GLIS1: variants seen among roughly 807,000 people sequenced by gnomAD.
GLIS1 encodes zinc finger protein GLIS1.
GLIS1 carries 24 observed loss-of-function variants against 63.8 expected under a neutral mutation model. That is an observed-to-expected ratio of 0.38 (90% CI 0.27 to 0.53). The LOEUF (loss-of-function observed/expected upper bound fraction) is 0.53, where lower values mean the gene tolerates loss of function less well. Among genes scored for constraint, GLIS1 ranks in the 20% least tolerant of loss-of-function variants. The pLI, the probability that GLIS1 is intolerant of heterozygous loss-of-function variation, is 0.85. For synonymous variants in GLIS1, 450 were observed against 482.5 expected, an observed-to-expected ratio of 0.93 and a Z score of 0.88; for missense variants, 1,036 against 1,074.1, an observed-to-expected ratio of 0.96 and a Z score of 0.50.
intron 2 of GLIS1, among the ~76,000 whole-genome samples, chr1:53,686,579 G>C (rs1401383504): frequency 6.6e-6 from 1 of 152,184 alleles, no homozygotes; most frequent in African/African-American, 2.4e-5. Context: ...CAGACTGTGG[G>C]GGGAGGCAGC....
chr1:53,708,583 G>A (rs768191144), intron 2 of GLIS1, among the ~76,000 whole-genome samples: 13 of 151,978 alleles, frequency 8.6e-5, no homozygotes, highest in South Asian at 2.1e-4. Flanking sequence ...GACTGGTGTC[G>A]CCTAGCAAGT....
chr1:53,522,248 A>C (rs953568946), intron 6 of GLIS1, among the ~76,000 whole-genome samples: 1 of 152,272 alleles, frequency 6.6e-6, no homozygotes, highest in African/African-American at 2.4e-5. Flanking sequence ...ACTTGTCATA[A>C]TACAAGGGTC....
At chr1:53,649,294 A>G (rs972152594) in intron 2 of GLIS1, among the ~76,000 whole-genome samples, 27 of 152,236 alleles carry the variant, frequency 1.8e-4, no homozygotes, top group Non-Finnish European at 1.0e-4. Flanking sequence ...TGAAAGATGC[A>G]GTATTAAATC....
At chr1:53,643,667 C>A (rs115953601) in intron 2 of GLIS1, among the ~76,000 whole-genome samples, 2,669 of 152,288 alleles carry the variant, frequency 0.018, 66 homozygotes, top group African/African-American at 0.06. Context: ...CTCTGCCTCA[C>A]TTTCCACACC....
chr1:53,738,776 G>A (rs1020698266), intron 1 of GLIS1, among the ~76,000 whole-genome samples: 2 of 152,210 alleles, frequency 1.3e-5, no homozygotes, highest in Non-Finnish European at 2.9e-5. Flanking sequence ...AACCGGCACA[G>A]TGGGCAATGC....
intron 4 of GLIS1, among the ~76,000 whole-genome samples, chr1:53,553,121 G>A (rs189170050): frequency 2.9e-4 from 44 of 152,278 alleles, no homozygotes; most frequent in African/African-American, 1.0e-3. Context: ...TGGCTCGTCC[G>A]GAAGATGTAG....
intron 2 of GLIS1, among the ~76,000 whole-genome samples, chr1:53,711,978 G>C (rs944901850): frequency 1.3e-5 from 2 of 152,188 alleles, no homozygotes; most frequent in African/African-American, 4.8e-5. Context: ...TTCTGAGAAG[G>C]AGCAGGCAAT....
intron 5 of GLIS1, among the ~76,000 whole-genome samples, chr1:53,527,255 G>C (rs1438251253): frequency 6.6e-6 from 1 of 152,244 alleles, no homozygotes; most frequent in East Asian, 1.9e-4. Flanking sequence ...AATCATCCCA[G>C]TGGGGAAGCT....
chr1:53,533,422 G>T (rs1220048998), intron 4 of GLIS1, among the ~76,000 whole-genome samples: 2 of 152,206 alleles, frequency 1.3e-5, no homozygotes, highest in Admixed American at 6.5e-5. Flanking sequence ...GTGCAGAAAG[G>T]TACCCCGATA....
At chr1:53,726,238 G>T (rs1024642935) in intron 2 of GLIS1, among the ~76,000 whole-genome samples, 1 of 152,170 alleles carries the variant, frequency 6.6e-6, no homozygotes, top group South Asian at 2.1e-4. Context: ...TGTAGAAGGG[G>T]CGGGTAGGTC....
intron 4 of GLIS1, among the ~76,000 whole-genome samples, chr1:53,564,582 C>T (rs1274039520): frequency 2.0e-5 from 3 of 152,000 alleles, no homozygotes; most frequent in Non-Finnish European, 4.4e-5. Context: ...CTCCCTTTTG[C>T]TAATTACAAT....
Position 53,725,002 on chromosome 1 carries a change from A to AC in GLIS1, c.259+12803dup, listed in dbSNP as rs1646791712. Reference sequence around the variant, plus strand: ...ATGGGAATTTAGTTTTCTCTACCCCACCCCAGCAAATAGCTCTTCCGTATT... The same window carrying AC: ...ATGGGAATTTAGTTTTCTCTACCCCACCCCCAGCAAATAGCTCTTCCGTATT... On this transcript the variant is annotated intron_variant, in intron 2 of 10. Coordinates refer to ENST00000628545, the MANE Select transcript of GLIS1 (RefSeq NM_001367484.1). 2.0e-5 allele frequency among the ~76,000 whole-genome samples: 3 copies of AC among 152,176 alleles called. No individual in the cohort carries two copies. The South Asian group carries it at 6.2e-4, about 32-fold the overall frequency.
At chr1:53,655,354 G>T (rs569999533) in intron 2 of GLIS1, among the ~76,000 whole-genome samples, 4 of 152,260 alleles carry the variant, frequency 2.6e-5, no homozygotes, top group Non-Finnish European at 5.9e-5. Context: ...ATCCCAATCT[G>T]GAGAAAATGT....
At position 53,520,627 on chromosome 1, in the gene GLIS1, C is replaced by T. The variant is rs1238318232; in HGVS notation, c.1726+7G>A. 2 of 1,603,952 alleles carry T rather than the reference C, an allele frequency of 1.2e-6. No individual in the cohort carries two copies. Among genetic ancestry groups the T allele is most frequent in the Non-Finnish European group, 1.7e-6 (2 of 1,175,644 alleles). On this transcript the variant is annotated splice_region_variant and intron_variant, in intron 7 of 10. Transcript: ENST00000628545. ...ACGCCCCTGGCCCTGCCTCCCCGCA[C>T]ACGTACCTGGGAGCAGCTCCTGGCC...
chr1:53,708,443 T>C (rs1557533615), intron 2 of GLIS1, among the ~76,000 whole-genome samples: 3 of 152,150 alleles, frequency 2.0e-5, no homozygotes, highest in Non-Finnish European at 4.4e-5. Context: ...CACCATGAAA[T>C]ATAATATTAT....
chr1:53,523,465 C>T (rs1034515930), intron 6 of GLIS1, among the ~76,000 whole-genome samples: 1 of 152,208 alleles, frequency 6.6e-6, no homozygotes, highest in Non-Finnish European at 1.5e-5. Flanking sequence ...GCAGTGTCCA[C>T]AGTTCACAGA....
At chr1:53,664,634 A>G (rs1646068035) in intron 2 of GLIS1, among the ~76,000 whole-genome samples, 1 of 152,198 alleles carries the variant, frequency 6.6e-6, no homozygotes, top group Non-Finnish European at 1.5e-5. Flanking sequence ...CCCTGCCCTC[A>G]CAGAGCTGAC....
At chr1:53,734,848 A>G (rs966061124) in intron 2 of GLIS1, among the ~76,000 whole-genome samples, 3 of 152,238 alleles carry the variant, frequency 2.0e-5, no homozygotes, top group Non-Finnish European at 2.9e-5. Context: ...CGGGTGTTTA[A>G]TAATAGGAAA....
intron 2 of GLIS1, among the ~76,000 whole-genome samples, chr1:53,719,146 C>T (rs960380424): frequency 1.6e-4 from 25 of 152,240 alleles, no homozygotes; most frequent in African/African-American, 5.8e-4. Context: ...TCTGCCCCAT[C>T]GTTGGCAGAA....
Sources: gnomAD v4.1 joint callset for allele counts (sites outside exome capture counted in the v4.1 genomes callset) on GRCh38, gnomAD v4.1.1 for gene constraint, MANE v1.5 for transcripts, NCBI Gene and HGNC (gene_info 2026-07-23, HGNC 2026-07-21) for gene names.